CTNNA2: variants seen among roughly 807,000 people sequenced by gnomAD.
The protein encoded by CTNNA2 is catenin alpha 2, also known as catenin alpha-2.
Under a neutral mutation model 101.0 loss-of-function variants are expected in CTNNA2, and 42 were observed. The observed-to-expected ratio is 0.42, with a 90% CI of 0.32 to 0.54. The LOEUF (loss-of-function observed/expected upper bound fraction) is 0.54, where lower values mean the gene tolerates loss of function less well. Among genes scored for constraint, CTNNA2 ranks in the 20% least tolerant of loss-of-function variants. The pLI, the probability that CTNNA2 is intolerant of heterozygous loss-of-function variation, is 0.14. For synonymous variants in CTNNA2, 450 were observed against 456.4 expected, an observed-to-expected ratio of 0.99 and a Z score of 0.18; for missense variants, 871 against 1,223.1, an observed-to-expected ratio of 0.71 and a Z score of 4.29.
At chr2:79,559,615 T>A (rs554461419) in intron 1 of CTNNA2, among the ~76,000 whole-genome samples, 1 of 151,912 alleles carries the variant, frequency 6.6e-6, no homozygotes, top group African/African-American at 2.4e-5. Flanking sequence ...ATATCATCAG[T>A]GAAGTAGTGG....
At chr2:80,624,296 A>G (rs909042505) in intron 18 of CTNNA2, among the ~76,000 whole-genome samples, 2 of 152,024 alleles carry the variant, frequency 1.3e-5, no homozygotes, top group Admixed American at 6.6e-5. Context: ...CCGAACTTTC[A>G]TGCCCATGCA....
chr2:80,037,646 C>G (rs923007876), intron 7 of CTNNA2, among the ~76,000 whole-genome samples: 1 of 152,200 alleles, frequency 6.6e-6, no homozygotes, highest in Non-Finnish European at 1.5e-5. Flanking sequence ...ATGCCCACCT[C>G]CAAGGTTGCT....
rs80088854 is a variant in CTNNA2, at chr2:79,630,381, C to A, written c.-5-21171C>A. ...AAGAACATTTAAAACAGTGGGAGAC[C>A]ATCAGAGAATTGGGCAGGAAAATTA... On this transcript the variant is annotated intron_variant, in intron 1 of 18. Transcript: ENST00000402739. Among the ~76,000 whole-genome samples, 525 of 152,150 alleles carry A rather than the reference C, an allele frequency of 3.5e-3. 4 individuals are homozygous for A. Among genetic ancestry groups the A allele is most frequent in the African/African-American group, 0.012 (509 of 41,514 alleles).
chr2:79,485,995 A>G (rs189375734), intron 4 of CTNNA2, among the ~76,000 whole-genome samples: 2 of 152,296 alleles, frequency 1.3e-5, no homozygotes, highest in African/African-American at 4.8e-5. Flanking sequence ...ATTTTTGGCC[A>G]TGAGAAGTTG....
intron 1 of CTNNA2, among the ~76,000 whole-genome samples, chr2:79,593,321 T>G (rs1267808016): frequency 2.6e-5 from 4 of 152,214 alleles, no homozygotes; most frequent in Non-Finnish European, 5.9e-5. Flanking sequence ...CTCCTGAGCC[T>G]GGGATACATT....
intron 7 of CTNNA2, among the ~76,000 whole-genome samples, chr2:80,008,477 C>T (rs1409642343): frequency 6.6e-6 from 1 of 152,168 alleles, no homozygotes; most frequent in Non-Finnish European, 1.5e-5. Context: ...AGCAGTTCTG[C>T]GATTCTTTTC....
chr2:79,607,806 A>T (rs1044352586), intron 1 of CTNNA2, among the ~76,000 whole-genome samples: 2 of 152,256 alleles, frequency 1.3e-5, no homozygotes, highest in South Asian at 2.1e-4. Context: ...AACACATATA[A>T]GAAAAAAGAA....
chr2:79,651,853 T>G (rs889222717), intron 2 of CTNNA2, among the ~76,000 whole-genome samples, 195 bp downstream of exon 2: 5 of 152,292 alleles, frequency 3.3e-5, no homozygotes, highest in African/African-American at 1.2e-4. Context: ...AAAAACTATT[T>G]GTATGATTTT....
At chr2:79,567,858 A>G (rs1675212183) in intron 1 of CTNNA2, among the ~76,000 whole-genome samples, 1 of 152,166 alleles carries the variant, frequency 6.6e-6, no homozygotes, top group South Asian at 2.1e-4. Flanking sequence ...GGCTCTAATC[A>G]GGAAAAAATG....
intron 7 of CTNNA2, among the ~76,000 whole-genome samples, chr2:80,370,334 A>G (rs1318416073): frequency 2.0e-5 from 3 of 152,048 alleles, no homozygotes; most frequent in Non-Finnish European, 2.9e-5. Flanking sequence ...ATTACCAACA[A>G]TTTCAGGGCA....
chr2:80,559,450 C>T (rs916305155), intron 12 of CTNNA2, among the ~76,000 whole-genome samples: 8 of 152,070 alleles, frequency 5.3e-5, no homozygotes, highest in Non-Finnish European at 1.2e-4. Flanking sequence ...TTGAGAGGTG[C>T]CCAAAGAGTG....
rs534151120 is a variant in CTNNA2, at chr2:80,116,654, CA to C, written c.1056+206859del. Among the ~76,000 whole-genome samples the C allele has an allele frequency of 2.5e-3, 378 of 152,160 alleles. 3 individuals carry two copies. Among genetic ancestry groups the C allele is most frequent in the African/African-American group, 8.3e-3 (344 of 41,510 alleles). ...TAGAGAAGAGAGCACCCTTGGGTGACAATGTGTTTAGATATTTTAGGATGAC... is the reference window on the plus strand; with the variant it reads ...TAGAGAAGAGAGCACCCTTGGGTGACATGTGTTTAGATATTTTAGGATGAC... On this transcript the variant is annotated intron_variant, in intron 7 of 18. Coordinates refer to ENST00000402739, the MANE Select transcript of CTNNA2 (RefSeq NM_001282597.3).
chr2:80,031,239 G>A (rs1434530282), intron 7 of CTNNA2, among the ~76,000 whole-genome samples: 14 of 152,164 alleles, frequency 9.2e-5, no homozygotes, highest in Admixed American at 9.2e-4. Context: ...ACCTCAAAAA[G>A]TATATAACAC....
At chr2:79,707,191 A>T (rs1573743527) in intron 2 of CTNNA2, among the ~76,000 whole-genome samples, 1 of 152,150 alleles carries the variant, frequency 6.6e-6, no homozygotes, top group South Asian at 2.1e-4. Context: ...TGGCTTGGTG[A>T]AAAGAAGATG....
chr2:79,486,426 A>G (rs1371426445), intron 4 of CTNNA2, among the ~76,000 whole-genome samples: 1 of 152,132 alleles, frequency 6.6e-6, no homozygotes, highest in African/African-American at 2.4e-5. Flanking sequence ...ATAGATGCAT[A>G]GTATTCCATG....
intron 7 of CTNNA2, among the ~76,000 whole-genome samples, chr2:80,334,388 A>C (rs1214016789): frequency 6.6e-6 from 1 of 152,184 alleles, no homozygotes; most frequent in East Asian, 1.9e-4. Context: ...CCTCATTTGC[A>C]TGACTCTCCC....
intron 1 of CTNNA2, among the ~76,000 whole-genome samples, chr2:79,625,149 T>G (rs1679227485): frequency 6.6e-6 from 1 of 152,148 alleles, no homozygotes; most frequent in Admixed American, 6.5e-5. Flanking sequence ...GGAAAGAACT[T>G]TAAGTACTTC....
chr2:79,740,083 G>A (rs1328391056), intron 2 of CTNNA2, among the ~76,000 whole-genome samples: 1 of 151,942 alleles, frequency 6.6e-6, no homozygotes, highest in Admixed American at 6.6e-5. Context: ...GCGTGAAGGG[G>A]GTTTGTGGTA....
chr2:80,628,673 T>A lies in CTNNA2; in HGVS notation c.2574+9445T>A, dbSNP rs536055823. The stretch of plus-strand genomic sequence containing the variant: ...AAACAGTTTAAAAGGCTTTTTTTTC[T>A]ACAGTTTTTAGGGAATTAAGATAGG... On this transcript the variant is annotated intron_variant, in intron 18 of 18. Transcript: ENST00000402739. 1.1e-3 allele frequency among the ~76,000 whole-genome samples: 164 copies of A among 152,184 alleles called. 1 individual carries two copies. Among genetic ancestry groups the A allele is most frequent in the Non-Finnish European group, 2.0e-3 (133 of 68,016 alleles).
Sources: gnomAD v4.1 joint callset for allele counts (sites outside exome capture counted in the v4.1 genomes callset) on GRCh38, gnomAD v4.1.1 for gene constraint, MANE v1.5 for transcripts, NCBI Gene and HGNC (gene_info 2026-07-23, HGNC 2026-07-21) for gene names.